ASB7: variants seen among roughly 807,000 people sequenced by gnomAD.
The protein encoded by ASB7 is ankyrin repeat and SOCS box protein 7.
A neutral mutation model predicts 32.5 loss-of-function variants in ASB7; 4 were observed. The ratio of observed to expected loss-of-function variants is 0.12; its 90% CI spans 0.06 to 0.28. The LOEUF is 0.28. Among genes scored for constraint, ASB7 ranks in the 10% least tolerant of loss-of-function variants. ASB7 has a pLI of 1.00. For synonymous variants in ASB7, 172 were observed against 155.6 expected (o/e 1.11, Z -0.78); for missense variants, 181 against 407.1 (o/e 0.44, Z 4.78).
intron 5 of ASB7, chr15:100,645,895 G>A: frequency 2.7e-6 from 2 of 728,596 alleles, no homozygotes; most frequent in Non-Finnish European, 2.4e-6. Flanking sequence ...CAGCACTGAG[G>A]AGATTGCTTC....
chr15:100,622,200 C>CAAAAAGAAAAAAGA (rs144104570), intron 4 of ASB7, among the ~76,000 whole-genome samples: 91,877 of 148,234 alleles, frequency 0.62, 28,999 homozygotes, highest in East Asian at 0.73. Flanking sequence ...ATAATAGCTA[C>CAAAAAGAAAAAAGA]AAAAAGAAAA....
chr15:100,627,152 A>AT (rs2039846981), intron 4 of ASB7, among the ~76,000 whole-genome samples: 1 of 152,094 alleles, frequency 6.6e-6, no homozygotes, highest in African/African-American at 2.4e-5. Flanking sequence ...TATACATTAA[A>AT]TTTTTTTCTC....
In ASB7 at chr15:100,651,020, T is replaced by G. The variant is rs2040028492; in HGVS notation, c.*2558T>G. On this transcript the variant is annotated 3_prime_UTR_variant, in exon 6 of 6. Transcript: ENST00000332783. ...TTTTCCAGAAACAGAACAGAAAATG[T>G]TCAGAATATTTTCAAATTTGTCAGA... The G allele has an allele frequency of 6.6e-6, 1 of 152,208 alleles. No homozygotes were observed. The highest frequency in any genetic ancestry group is 1.5e-5 in the Non-Finnish European group (1 of 68,036). 9.4% of individuals were successfully genotyped at this position (152,208 alleles called of 1,614,324 possible).
chr15:100,612,570 A>G (rs148027260), intron 4 of ASB7, 143 bp downstream of exon 4: 124 of 795,674 alleles, frequency 1.6e-4, no homozygotes, highest in African/African-American at 6.1e-4. Context: ...AAGATTTGCT[A>G]TAAGTGTGCC....
intron 4 of ASB7, among the ~76,000 whole-genome samples, chr15:100,616,762 A>G (rs921599296): frequency 2.6e-5 from 4 of 152,230 alleles, no homozygotes; most frequent in African/African-American, 7.2e-5. Context: ...TGTATTATGA[A>G]CCAACTTAGA....
chr15:100,618,026 C>T (rs567952295), intron 4 of ASB7, among the ~76,000 whole-genome samples: 1 of 152,358 alleles, frequency 6.6e-6, no homozygotes, highest in African/African-American at 2.4e-5. Context: ...ACAGTCATAG[C>T]TCATCACAGC....
intron 4 of ASB7, among the ~76,000 whole-genome samples, chr15:100,623,850 A>G (rs2039813581): frequency 6.6e-6 from 1 of 152,254 alleles, no homozygotes; most frequent in Admixed American, 6.5e-5. Context: ...CTGAGTATCC[A>G]AAAGAAAAGA....
At chr15:100,639,994 A>T (rs550617261) in intron 5 of ASB7, among the ~76,000 whole-genome samples, 14 of 152,324 alleles carry the variant, frequency 9.2e-5, no homozygotes, top group Non-Finnish European at 1.5e-4. Context: ...ATCTAAGAGA[A>T]TACCGTAATT....
At chr15:100,611,873 G>A (rs1458018071) in intron 3 of ASB7, among the ~76,000 whole-genome samples, 1 of 146,972 alleles carries the variant, frequency 6.8e-6, no homozygotes. Flanking sequence ...AGGCTGGAGT[G>A]CAGTGTTGCT....
At position 100,604,786 on chromosome 15, in the gene ASB7, C is replaced by G. The variant is rs2039626616; in HGVS notation, c.-174+1473C>G. On this transcript the variant is annotated intron_variant, in intron 2 of 5. Coordinates refer to ENST00000332783, the MANE Select transcript of ASB7 (RefSeq NM_198243.3). ...ACTACATCATTTCAGTAAAAGCTAC[C>G]CGGAAATCTTTAAAGGCTAATTTTT... is the stretch of plus-strand genomic sequence containing the variant. Among the ~76,000 whole-genome samples, 3 of 152,172 alleles carry G rather than the reference C, an allele frequency of 2.0e-5. 1 individual carries two copies. In the South Asian group the frequency reaches 6.2e-4, roughly 32 times the overall value.
In ASB7 at chr15:100,630,040, C is replaced by A; in HGVS notation, c.815C>A (p.Thr272Lys). The change falls in exon 5 of 6, where the codon ACA becomes AAA. Residue 272 changes from threonine (T) to lysine (K), a missense_variant and splice_region_variant. Coordinates refer to ENST00000332783, the MANE Select transcript of ASB7 (RefSeq NM_198243.3). ...TGTTTGGATTTCTTACAAGAAGTCACAAGTATGTAATATAATTATTACTTT... is the reference window on the plus strand; with the variant it reads ...TGTTTGGATTTCTTACAAGAAGTCAAAAGTATGTAATATAATTATTACTTT... ...RPCLDFLQEV[T>K]RQPRNLQDLC... is the part of the protein sequence containing the mutation. The A allele has an allele frequency of 6.3e-7, 1 of 1,584,834 alleles. No individual in the cohort carries two copies. The highest frequency in any genetic ancestry group is 1.1e-5 in the South Asian group (1 of 87,066).
intron 5 of ASB7, among the ~76,000 whole-genome samples, chr15:100,632,889 C>A (rs972490557): frequency 3.3e-5 from 5 of 149,320 alleles, no homozygotes; most frequent in Admixed American, 6.7e-5. Flanking sequence ...GCACCCGTGG[C>A]TTGGTAATAA....
intron 5 of ASB7, among the ~76,000 whole-genome samples, chr15:100,636,102 G>A (rs1009721093): frequency 2.0e-5 from 3 of 152,152 alleles, no homozygotes; most frequent in Non-Finnish European, 2.9e-5. Flanking sequence ...TACCATTTCA[G>A]TGTTCGTCAA....
chr15:100,625,802 G>A (rs1567115010), intron 4 of ASB7, among the ~76,000 whole-genome samples: 1 of 152,186 alleles, frequency 6.6e-6, no homozygotes, highest in Non-Finnish European at 1.5e-5. Context: ...AAGACAGTGT[G>A]GGATTGGTGT....
At chr15:100,618,911 A>G (rs960048420) in intron 4 of ASB7, among the ~76,000 whole-genome samples, 2 of 152,192 alleles carry the variant, frequency 1.3e-5, no homozygotes, top group Non-Finnish European at 2.9e-5. Context: ...GATAATAAGT[A>G]TTATCAGTTT....
rs181978663 is a variant in ASB7, at chr15:100,630,104, A to G, written c.817+62A>G. On this transcript the variant is annotated intron_variant, in intron 5 of 5. Coordinates refer to ENST00000332783, the MANE Select transcript of ASB7 (RefSeq NM_198243.3). ...AAAATTTGCATCTTCTGAGGAGCTT[A>G]ATGTGTTTTTGCAACTTAAGATGAC... 5.3e-5 allele frequency: 77 copies of G among 1,449,486 alleles called. No individual in the cohort carries two copies. The East Asian group carries it at 1.0e-3, about 19-fold the overall frequency. The allele number at this position is 1,449,486 out of a possible 1,614,324, so 89.8% of individuals were successfully genotyped here.
intron 5 of ASB7, among the ~76,000 whole-genome samples, chr15:100,637,225 T>C (rs1001477407): frequency 6.6e-6 from 1 of 152,230 alleles, no homozygotes; most frequent in East Asian, 1.9e-4. Flanking sequence ...GACACCATCT[T>C]TACTGGAAAG....
At chr15:100,616,389 G>A (rs551740715) in intron 4 of ASB7, among the ~76,000 whole-genome samples, 54 of 152,154 alleles carry the variant, frequency 3.5e-4, no homozygotes, top group African/African-American at 1.2e-3. Context: ...TAGCCTTATC[G>A]TTTGTGCCCT....
intron 3 of ASB7, among the ~76,000 whole-genome samples, chr15:100,611,012 G>C (rs7162990): frequency 0.92 from 139,635 of 152,300 alleles, 64,142 homozygotes; most frequent in East Asian, 1. Flanking sequence ...ACTTTGGACT[G>C]TTACTGTTTC....
Sources: allele counts gnomAD v4.1 joint callset (sites outside exome capture counted in the v4.1 genomes callset), GRCh38; gene constraint gnomAD v4.1.1; transcripts MANE v1.5; gene names NCBI Gene and HGNC (gene_info 2026-07-23, HGNC 2026-07-21).